The following MMP17 variants were observed in gnomAD, a reference collection of about 807,000 sequenced individuals.
MMP17 encodes matrix metalloproteinase-17.
Under a neutral mutation model 49.1 loss-of-function variants are expected in MMP17, and 54 were observed. The ratio of observed to expected loss-of-function variants is 1.10; its 90% CI spans 0.88 to 1.38. MMP17 has a LOEUF of 1.38. MMP17 is among the 40% of genes most tolerant of loss of function. The pLI, the probability that MMP17 is intolerant of heterozygous loss-of-function variation, is 0.00. For missense variants in MMP17, 837 were observed against 853.7 expected (o/e 0.98, Z 0.24); for synonymous variants, 397 against 383.1 (o/e 1.04, Z -0.42).
At position 131,841,732 on chromosome 12, in the gene MMP17, G is replaced by A; in HGVS notation, c.815G>A (p.Gly272Asp). 7.4e-6 allele frequency: 12 copies of A among 1,613,560 alleles called. No homozygotes were observed. Among genetic ancestry groups the A allele is most frequent in the Non-Finnish European group, 9.3e-6 (11 of 1,179,920 alleles). Residue 272 changes from glycine to aspartate, a missense_variant, in exon 5 of 10, where the codon GGC becomes GAC. Transcript: ENST00000360564. Reference sequence around the variant, plus strand: ...TCCATCATGCGGCCGTACTACCAGGGCCCGGTGGGTGACCCGCTGCGCTAC... The same window carrying A: ...TCCATCATGCGGCCGTACTACCAGGACCCGGTGGGTGACCCGCTGCGCTAC... The part of the protein sequence containing the change: ...AHSIMRPYYQ[G>D]PVGDPLRYGL...
In MMP17 at chr12:131,851,206, A is replaced by ATGC; in HGVS notation, c.1757_1759dup (p.Leu586dup). 3.4e-6 allele frequency: 5 copies of ATGC among 1,456,402 alleles called. No individual in the cohort carries two copies. In the South Asian group the frequency reaches 4.3e-5, roughly 13 times the overall value. The allele number at this position is 1,456,402 out of a possible 1,614,324, so 90.2% of individuals were successfully genotyped here. ...CCCAGGCCCACTGGTGGCTGCCACCATGCTGCTGCTGCTGCCGCCACTGTC... is the reference window on the plus strand; with the variant it reads ...CCCAGGCCCACTGGTGGCTGCCACCATGCTGCTGCTGCTGCTGCCGCCACTGTC... On this transcript the variant is annotated inframe_insertion, in exon 10 of 10. Transcript: ENST00000360564.
intron 1 of MMP17, among the ~76,000 whole-genome samples, chr12:131,836,167 T>C (rs776790303): frequency 5.1e-4 from 78 of 151,668 alleles, no homozygotes; most frequent in Non-Finnish European, 9.4e-4. Context: ...CTGGGCTGGG[T>C]CAGTAGGGTT....
At position 131,840,646 on chromosome 12, in the gene MMP17, G is replaced by A. The variant is rs555722401; in HGVS notation, c.496G>A (p.Val166Ile). Residue 166 changes from valine to isoleucine, a missense_variant, in exon 4 of 10, where the codon GTC becomes ATC. Physicochemically the swap from Val to Ile is conservative, Grantham distance 29 (BLOSUM62 3). Transcript: ENST00000360564. ...VRALMYYALKVWSDIAPLNFH... is the reference protein window; with the variant it reads ...VRALMYYALKIWSDIAPLNFH... ...TGCACTCATGTACTACGCCCTCAAG[G>A]TCTGGAGCGACATTGCGCCCCTGAA... 9 of 1,609,278 alleles carry A rather than the reference G, an allele frequency of 5.6e-6. No individual in the cohort carries two copies. The East Asian group carries it at 1.6e-4, about 28-fold the overall frequency.
intron 1 of MMP17, among the ~76,000 whole-genome samples, chr12:131,831,731 G>C (rs1044296782): frequency 2.1e-5 from 3 of 145,092 alleles, no homozygotes; most frequent in Non-Finnish European, 4.5e-5. Context: ...CAGTCTCCCT[G>C]TCTGCGCAAT....
At chr12:131,834,428 G>A (rs79295839) in intron 1 of MMP17, among the ~76,000 whole-genome samples, 11,536 of 152,246 alleles carry the variant, frequency 0.076, 563 homozygotes, top group South Asian at 0.2. Context: ...ACCAGGCGGC[G>A]GGTGGGCGTG....
At chr12:131,834,951 C>G (rs866465124) in intron 1 of MMP17, among the ~76,000 whole-genome samples, 5 of 152,200 alleles carry the variant, frequency 3.3e-5, no homozygotes, top group African/African-American at 4.8e-5. Flanking sequence ...CAGGGCTGGG[C>G]GAGGGCGCCT....
chr12:131,845,598 A>G (rs1448812883), intron 8 of MMP17, 149 bp downstream of exon 8: 4 of 1,098,852 alleles, frequency 3.6e-6, no homozygotes, highest in Admixed American at 2.9e-5. Context: ...TGCACTCAGC[A>G]GATGCACTCT....
At chr12:131,849,747 C>T (rs1887875753) in intron 8 of MMP17, 55 bp from the exon 9 acceptor site, 4 of 1,559,466 alleles carry the variant, frequency 2.6e-6, no homozygotes, top group Non-Finnish European at 3.5e-6. Context: ...CAGGAGCCTC[C>T]TGCCCTTCGG....
intron 6 of MMP17, chr12:131,844,700 G>C (rs1004487894): frequency 7.9e-6 from 2 of 252,704 alleles, no homozygotes; most frequent in African/African-American, 4.4e-5. Context: ...TCTCTCGGTG[G>C]ACATGCACCT....
intron 1 of MMP17, among the ~76,000 whole-genome samples, chr12:131,836,598 C>G (rs1887096565): frequency 6.6e-6 from 1 of 150,980 alleles, no homozygotes; most frequent in Admixed American, 6.6e-5. Context: ...AAAATGGGCA[C>G]TTTCATATGA....
chr12:131,837,339 A>G (rs577854421), intron 1 of MMP17, among the ~76,000 whole-genome samples: 1 of 152,304 alleles, frequency 6.6e-6, no homozygotes, highest in East Asian at 1.9e-4. Context: ...TTGCAGACAC[A>G]GTCTGCAACT....
intron 2 of MMP17, 99 bp from the exon 3 acceptor site, chr12:131,838,513 G>T (rs1367501979): frequency 8.7e-6 from 13 of 1,492,334 alleles, no homozygotes; most frequent in Middle Eastern, 2.5e-4. Flanking sequence ...CGGCTCGGAG[G>T]CTGGTGCCAG....
chr12:131,851,330 G>T lies in MMP17; in HGVS notation c.*56G>T. The T allele has an allele frequency of 7.5e-7, 1 of 1,331,584 alleles. No individual in the cohort carries two copies. 82.5% of individuals were successfully genotyped at this position (1,331,584 alleles called of 1,614,324 possible). A position where few individuals can be genotyped will look rare whatever the true frequency, so the allele number is the denominator to read the frequency against. ...GCGGTGGGACAGCCTGGCCACAGAG[G>T]GCAAGGACTGTGCCGGAGTCCCTGG... is the stretch of plus-strand genomic sequence containing the variant. On this transcript the variant is annotated 3_prime_UTR_variant, in exon 10 of 10. Coordinates refer to ENST00000360564, the MANE Select transcript of MMP17 (RefSeq NM_016155.7).
chr12:131,850,605 G>C (rs1187503598), intron 9 of MMP17, among the ~76,000 whole-genome samples: 1 of 152,090 alleles, frequency 6.6e-6, no homozygotes, highest in African/African-American at 2.4e-5. Context: ...GGGTCTCCTG[G>C]TCCATCCCCT....
At position 131,840,734 on chromosome 12, in the gene MMP17, A is replaced by ACGACGGCTACCCCTT; in HGVS notation, c.592_606dup (p.Tyr198_Gly202dup). 6.2e-7 allele frequency: 1 copy of ACGACGGCTACCCCTT among 1,604,456 alleles called. No individual in the cohort carries two copies. Among genetic ancestry groups the ACGACGGCTACCCCTT allele is most frequent in the Non-Finnish European group, 8.5e-7 (1 of 1,179,894 alleles). ...ATCGACTTCTCCAAGGCCGACCATA[A>ACGACGGCTACCCCTT]CGACGGCTACCCCTTCGACGGCCCC... is the stretch of plus-strand genomic sequence containing the variant. On this transcript the variant is annotated inframe_insertion, in exon 4 of 10. Transcript: ENST00000360564.
Position 131,846,617 on chromosome 12 carries a change from C to T in MMP17, c.1204+1168C>T, listed in dbSNP as rs1203746608. 3.3e-5 allele frequency among the ~76,000 whole-genome samples: 5 copies of T among 152,212 alleles called. No individual in the cohort carries two copies. Among genetic ancestry groups the T allele is most frequent in the Admixed American group, 6.5e-5 (1 of 15,288 alleles). ...CTCGAACTCCTGACTTCAGGTGATC[C>T]ACCCGCCTTGGTGTCCCAAAGTGCC... On this transcript the variant is annotated intron_variant, in intron 8 of 9. Coordinates refer to ENST00000360564, the MANE Select transcript of MMP17 (RefSeq NM_016155.7). The surrounding 1 kb of genome is among the most constrained non-coding windows in gnomAD (Gnocchi z 4.6).
At chr12:131,845,248 C>A in intron 7 of MMP17, 48 bp downstream of exon 7, 1 of 1,613,912 alleles carries the variant, frequency 6.2e-7, no homozygotes, top group Non-Finnish European at 8.5e-7. Context: ...ATGGCCCACT[C>A]TGGGTGCAGA....
intron 8 of MMP17, 73 bp downstream of exon 8, chr12:131,845,522 C>A: frequency 6.7e-7 from 1 of 1,482,294 alleles, no homozygotes. Context: ...CGGAGAGGGT[C>A]CAGCCTGCGT....
At chr12:131,845,224 G>T in intron 7 of MMP17, 24 bp downstream of exon 7, 2 of 1,614,040 alleles carry the variant, frequency 1.2e-6, no homozygotes, top group Non-Finnish European at 1.7e-6. Context: ...TCCCGTGGCG[G>T]TTGGCTGAGG....
Sources: allele counts gnomAD v4.1 joint callset (sites outside exome capture counted in the v4.1 genomes callset), GRCh38; gene constraint gnomAD v4.1.1; non-coding constraint Gnocchi (gnomAD v3.1); transcripts MANE v1.5; gene names NCBI Gene and HGNC (gene_info 2026-07-23, HGNC 2026-07-21).